Variants in FANCA observed in about 807,000 individuals in gnomAD.
The protein encoded by FANCA is Fanconi anemia group A protein.
FANCA carries 236 observed loss-of-function variants against 194.3 expected under a neutral mutation model. The observed-to-expected ratio is 1.21, with a 90% CI of 1.09 to 1.35. The LOEUF is 1.35. FANCA is among the 40% of genes most tolerant of loss of function. FANCA has a pLI of 0.00. For missense variants in FANCA, 2,628 were observed against 1,813.9 expected, an observed-to-expected ratio of 1.45 and a Z score of -8.15; for synonymous variants, 1,014 against 715.8, an observed-to-expected ratio of 1.42 and a Z score of -6.65.
chr16:89,740,051 CGAG>C lies in FANCA; in HGVS notation c.3874_3876del (p.Leu1292del). The C allele has an allele frequency of 5.0e-6, 8 of 1,614,172 alleles. No individual in the cohort carries two copies. The highest frequency in any genetic ancestry group is 6.8e-6 in the Non-Finnish European group (8 of 1,180,032). ...GATATCTTCCTCTTCTCTAAACACT[CGAG>C]GATTGCTGCACAAACGTGGAAAGCC... On this transcript the variant is annotated inframe_deletion, in exon 39 of 43. Transcript: ENST00000389301.
chr16:89,739,810 A>C, intron 39 of FANCA, 184 bp downstream of exon 39: 1 of 1,464,914 alleles, frequency 6.8e-7, no homozygotes, highest in Non-Finnish European at 9.0e-7. Context: ...CCTGGGGTTG[A>C]CCAGTGAGCC....
chr16:89,764,678 T>G (rs926876122), intron 28 of FANCA: 10 of 658,542 alleles, frequency 1.5e-5, no homozygotes, highest in South Asian at 4.4e-5. Flanking sequence ...ACCATCTAAG[T>G]GCTGCTGTTC....
intron 3 of FANCA, among the ~76,000 whole-genome samples, chr16:89,811,651 G>T (rs1014218016): frequency 6.6e-6 from 1 of 152,176 alleles, no homozygotes; most frequent in African/African-American, 2.4e-5. Flanking sequence ...ATTCAATAAA[G>T]TGAGAAACGG....
chr16:89,807,302 C>G (rs530514296), intron 6 of FANCA, among the ~76,000 whole-genome samples: 11 of 149,910 alleles, frequency 7.3e-5, no homozygotes, highest in Admixed American at 2.7e-4. Flanking sequence ...ACTAAACATA[C>G]AAAAATTAGC....
chr16:89,758,853 G>T, intron 29 of FANCA, 148 bp from the exon 30 acceptor site: 1 of 1,202,594 alleles, frequency 8.3e-7, no homozygotes, highest in Non-Finnish European at 1.2e-6. Flanking sequence ...GAGTAGGGAT[G>T]AGACCTCACT....
At chr16:89,790,189 G>C (rs900416619) in intron 14 of FANCA, among the ~76,000 whole-genome samples, 21 of 151,780 alleles carry the variant, frequency 1.4e-4, no homozygotes, top group Admixed American at 3.3e-4. Flanking sequence ...ACCACTTAAG[G>C]TCAGGATTTT....
intron 15 of FANCA, 53 bp from the exon 16 acceptor site, chr16:89,783,155 T>TTAGTCTGGGAACTG: frequency 1.5e-6 from 2 of 1,362,632 alleles, no homozygotes; most frequent in African/African-American, 2.9e-5. Context: ...TGCCTGGGAC[T>TTAGTCTGGGAACTG]CCAGGGAGGC....
chr16:89,743,967 G>A (rs761496834), intron 36 of FANCA, among the ~76,000 whole-genome samples: 33 of 152,050 alleles, frequency 2.2e-4, no homozygotes, highest in Admixed American at 9.2e-4. Context: ...GCATGATCTC[G>A]GCTCACTGCA....
chr16:89,794,173 C>T (rs1252837955), intron 11 of FANCA, among the ~76,000 whole-genome samples: 3 of 152,210 alleles, frequency 2.0e-5, no homozygotes, highest in East Asian at 3.8e-4. Context: ...GTTTCTCAGG[C>T]CCGGTTACTT....
intron 18 of FANCA, among the ~76,000 whole-genome samples, chr16:89,779,474 A>G (rs566136291): frequency 6.6e-6 from 1 of 152,162 alleles, no homozygotes; most frequent in South Asian, 2.1e-4. Context: ...AAAAAACATC[A>G]TGGCCCCACT....
chr16:89,738,225 G>C lies in FANCA; in HGVS notation c.*376C>G. 6.2e-7 allele frequency: 1 copy of C among 1,606,804 alleles called. No homozygotes were observed. The highest frequency in any genetic ancestry group is 8.5e-7 in the Non-Finnish European group (1 of 1,177,206). ...CCTCTGTGACCACAGAGGGCCAGGC[G>C]GTGAAGCCCGAACCCACCTGAGGAC... On this transcript the variant is annotated 3_prime_UTR_variant, in exon 43 of 43. Coordinates refer to ENST00000389301, the MANE Select transcript of FANCA (RefSeq NM_000135.4).
chr16:89,805,218 A>G (rs1018643041), intron 7 of FANCA, 62 bp downstream of exon 7: 42 of 1,287,036 alleles, frequency 3.3e-5, no homozygotes, highest in Non-Finnish European at 4.5e-5. Flanking sequence ...TTGAGAGCAG[A>G]AGGCATTATC....
intron 20 of FANCA, among the ~76,000 whole-genome samples, chr16:89,776,153 G>GTT (rs908520331): frequency 2.2e-5 from 2 of 91,784 alleles, no homozygotes; most frequent in African/African-American, 3.8e-5. Context: ...ACGAATCTTT[G>GTT]TTTTTCTTTT....
chr16:89,791,756 T>C, intron 13 of FANCA, 171 bp downstream of exon 13: 1 of 998,964 alleles, frequency 1.0e-6, no homozygotes, highest in Non-Finnish European at 1.5e-6. Flanking sequence ...CAGCAGTCAG[T>C]GCTTATGGAA....
chr16:89,741,655 G>A (rs901869316), intron 37 of FANCA, among the ~76,000 whole-genome samples: 5 of 152,138 alleles, frequency 3.3e-5, no homozygotes, highest in African/African-American at 7.2e-5. Context: ...GGTCTGAGTC[G>A]AACATGGTCC....
intron 28 of FANCA, chr16:89,764,668 A>T (rs968405219): frequency 3.3e-5 from 21 of 632,556 alleles, no homozygotes; most frequent in Admixed American, 1.1e-4. Flanking sequence ...TTCCAATCAA[A>T]CCATCTAAGT....
At chr16:89,739,336 G>T (rs749929686) in intron 40 of FANCA, 47 bp from the exon 41 acceptor site, 1 of 1,611,772 alleles carries the variant, frequency 6.2e-7, no homozygotes, top group South Asian at 1.1e-5. Flanking sequence ...TGCTGGAAAG[G>T]TAGCAGGTGA....
At chr16:89,778,627 TAAAAAA>T (rs397693835) in intron 20 of FANCA, among the ~76,000 whole-genome samples, 168 bp downstream of exon 20, 448 of 29,890 alleles carry the variant, frequency 0.015, 1 homozygote, top group South Asian at 0.14. Context: ...AGACTCCAAC[TAAAAAA>T]AAAAAAAAAA....
At chr16:89,744,931 C>G (rs759249209) in intron 36 of FANCA, 28 bp downstream of exon 36, 2 of 1,598,020 alleles carry the variant, frequency 1.3e-6, no homozygotes, top group Non-Finnish European at 1.7e-6. Context: ...TCTGGGCGGG[C>G]ACACCCCATC....
Sources: gnomAD v4.1 joint callset for allele counts (sites outside exome capture counted in the v4.1 genomes callset) on GRCh38, gnomAD v4.1.1 for gene constraint, MANE v1.5 for transcripts, NCBI Gene and HGNC (gene_info 2026-07-23, HGNC 2026-07-21) for gene names.